The following VSIG4 variants were observed in gnomAD, a reference collection of about 807,000 sequenced individuals.
VSIG4 encodes the protein V-set and immunoglobulin domain-containing protein 4.
Under a neutral mutation model 23.4 loss-of-function variants are expected in VSIG4, and 34 were observed. That is an observed-to-expected ratio of 1.45 (90% CI 1.10 to 1.93). The LOEUF (loss-of-function observed/expected upper bound fraction) is 1.93, where lower values mean the gene tolerates loss of function less well. VSIG4 is among the 30% of genes most tolerant of loss of function. The pLI, the probability that VSIG4 is intolerant of heterozygous loss-of-function variation, is 0.00. For missense variants in VSIG4, 433 were observed against 310.8 expected (o/e 1.39, Z -2.96); for synonymous variants, 169 against 120.3 (o/e 1.41, Z -2.65).
Position 66,032,600 on chromosome X carries a change from T to C in VSIG4, c.562A>G (p.Ile188Val). 4 of 1,211,589 alleles carry C rather than the reference T, an allele frequency of 3.3e-6. No individual in the cohort carries two copies. The Middle Eastern group carries it at 6.9e-4, about 209-fold the overall frequency. Residue 188 changes from isoleucine (I) to valine (V), a missense_variant, in exon 3 of 8, where the codon ATC becomes GTC. Ile to Val is a conservative substitution (Grantham distance 29). Coordinates refer to ENST00000374737, the MANE Select transcript of VSIG4 (RefSeq NM_007268.3). Reference protein sequence around the residue: ...YKQQTNNQEPIKVATLSTLLF... With the variant: ...YKQQTNNQEPVKVATLSTLLF... The stretch of plus-strand genomic sequence containing the variant: ...AAGGTACTTAGGGTTGCTACTTTGA[T>C]GGGTTCCTGGTTATTAGTCTGTTGC...
In VSIG4 at chrX:66,025,049, G is replaced by A. The variant is rs1422142338; in HGVS notation, c.916C>T (p.Leu306Phe). Reference sequence around the variant, plus strand: ...CCTTGTTGGGATGTCTTCCGACAGAGCATGATATAGGCCATGGTAAAAACC... The same window carrying A: ...CCTTGTTGGGATGTCTTCCGACAGAACATGATATAGGCCATGGTAAAAACC... ...MVVFTMAYIM[L>F]CRKTSQQEHV... The change falls in exon 6 of 8, where the codon CTC becomes TTC. Residue 306 changes from leucine to phenylalanine, a missense_variant. By Grantham distance (22) the Leu-to-Phe change is conservative. Coordinates refer to ENST00000374737, the MANE Select transcript of VSIG4 (RefSeq NM_007268.3). 4 of 1,201,863 alleles carry A rather than the reference G, an allele frequency of 3.3e-6. No individual in the cohort carries two copies. The highest frequency in any genetic ancestry group is 4.5e-6 in the Non-Finnish European group (4 of 890,673).
intron 5 of VSIG4, among the ~76,000 whole-genome samples, chrX:66,026,760 G>A (rs1305406192): frequency 2.7e-5 from 3 of 111,703 alleles, no homozygotes; most frequent in Non-Finnish European, 3.8e-5. Context: ...TAGACTTGGA[G>A]TCTTAGAGAT....
At chrX:66,036,130 C>CT (rs1451907331) in intron 1 of VSIG4, among the ~76,000 whole-genome samples, 2 of 110,079 alleles carry the variant, frequency 1.8e-5, no homozygotes, top group South Asian at 3.8e-4. Context: ...TCCCCTTTTA[C>CT]TTTTTTTTTC....
In VSIG4 at chrX:66,022,279, C is replaced by A. The variant is rs762194783; in HGVS notation, c.1184G>T (p.Gly395Val). ...GGGGCATTTTTAACAGACACTTTTG[C>A]CCTCAGTGGCCAGAAACTCATAATC... Reference protein sequence around the residue: ...PLDYEFLATEGKSVC With the variant: ...PLDYEFLATEVKSVC Residue 395 changes from glycine to valine, a missense_variant, in exon 8 of 8, where the codon GGC (glycine) becomes GTC (valine). Transcript: ENST00000374737. 4 of 1,211,991 alleles carry A rather than the reference C, an allele frequency of 3.3e-6. No individual in the cohort carries two copies. The highest frequency in any genetic ancestry group is 1.8e-5 in the South Asian group (1 of 57,006).
intron 4 of VSIG4, 128 bp from the exon 5 acceptor site, chrX:66,027,654 T>G: frequency 1.9e-6 from 1 of 525,068 alleles, no homozygotes; most frequent in Non-Finnish European, 3.3e-6. Flanking sequence ...TACCTGACCA[T>G]GTTATCAACC....
In VSIG4 at chrX:66,021,973, T is replaced by G. The variant is rs1470477823; in HGVS notation, c.*290A>C. 1 of 984,065 alleles carries G rather than the reference T, an allele frequency of 1.0e-6. No homozygotes were observed. The highest frequency in any genetic ancestry group is 1.4e-6 in the Non-Finnish European group (1 of 723,048). The allele number at this position is 984,065 out of a possible 1,213,427, so 81.1% of individuals were successfully genotyped here. ...CAAAGTTGAATAGTGTCTGTAGGCA[T>G]GATGACCAAGTCCTAGTGCTATGGG... On this transcript the variant is annotated 3_prime_UTR_variant, in exon 8 of 8. Transcript: ENST00000374737.
chrX:66,022,123 A>T lies in VSIG4; in HGVS notation c.*140T>A, dbSNP rs1490577911. ...ATCTGGCAAATTCCAGGGCAAAGCC[A>T]GTGACTCCCAGCGGCTCCAGTGTTG... On this transcript the variant is annotated 3_prime_UTR_variant, in exon 8 of 8. Transcript: ENST00000374737. The T allele has an allele frequency of 8.5e-7, 1 of 1,182,728 alleles. No individual in the cohort carries two copies. Among genetic ancestry groups the T allele is most frequent in the Non-Finnish European group, 1.1e-6 (1 of 880,891 alleles).
At chrX:66,033,875 C>A in intron 1 of VSIG4, 45 bp from the exon 2 acceptor site, 1 of 1,050,986 alleles carries the variant, frequency 9.5e-7, no homozygotes, top group Non-Finnish European at 1.3e-6. Context: ...AGATGGCATA[C>A]CTACTTGGCA....
intron 6 of VSIG4, 114 bp from the exon 7 acceptor site, chrX:66,022,976 T>A: frequency 1.2e-6 from 1 of 824,598 alleles, no homozygotes; most frequent in Non-Finnish European, 1.8e-6. Flanking sequence ...GAGGGGATTT[T>A]AATATGTCTT....
chrX:66,037,617 ATTAC>A (rs1252913691), intron 1 of VSIG4, among the ~76,000 whole-genome samples: 1 of 79,217 alleles, frequency 1.3e-5, no homozygotes, highest in Non-Finnish European at 2.2e-5. Flanking sequence ...TTTACTGATA[ATTAC>A]TTATATATAA....
At chrX:66,027,377 G>T (rs1160103084) in intron 5 of VSIG4, 72 bp downstream of exon 5, 6 of 893,573 alleles carry the variant, frequency 6.7e-6, no homozygotes, top group South Asian at 2.1e-5. Context: ...AGAACAGTGT[G>T]CATAAGGGAA....
In VSIG4 at chrX:66,022,861, C is replaced by T. The variant is rs770221598; in HGVS notation, c.942G>A (p.Glu314=). The T allele has an allele frequency of 1.7e-6, 2 of 1,210,999 alleles. No homozygotes were observed. The highest frequency in any genetic ancestry group is 1.8e-5 in the South Asian group (1 of 56,968). The change falls in exon 7 of 8, where the codon GAG becomes GAA. Residue 314 remains glutamate (E), a splice_region_variant and synonymous_variant. Coordinates refer to ENST00000374737, the MANE Select transcript of VSIG4 (RefSeq NM_007268.3). ...CTTACCTGGCTGCTTCGTAGACATG[C>T]TCTAGAAAAAAAGGAGGAATCATGT... The part of the protein sequence containing the change: ...IMLCRKTSQQ[E]HVYEAARAHA...
chrX:66,036,968 TATATA>T (rs1262264101), intron 1 of VSIG4, among the ~76,000 whole-genome samples: 3 of 34,684 alleles, frequency 8.6e-5, no homozygotes, highest in African/African-American at 6.4e-4. Flanking sequence ...TATTATATAA[TATATA>T]ATATAATATA....
At position 66,021,957 on chromosome X, in the gene VSIG4, A is replaced by G; in HGVS notation, c.*306T>C. On this transcript the variant is annotated 3_prime_UTR_variant, in exon 8 of 8. Transcript: ENST00000374737. ...TCTGGTGGCAAGATGCCAAAGTTGA[A>G]TAGTGTCTGTAGGCATGATGACCAA... The G allele has an allele frequency of 1.2e-6, 1 of 866,193 alleles. No individual in the cohort carries two copies. The highest frequency in any genetic ancestry group is 2.3e-5 in the South Asian group (1 of 42,618). The allele number at this position is 866,193 out of a possible 1,213,427, so 71.4% of individuals were successfully genotyped here.
chrX:66,033,337 C>A, intron 2 of VSIG4, 137 bp downstream of exon 2: 1 of 561,615 alleles, frequency 1.8e-6, no homozygotes, highest in South Asian at 3.2e-5. Context: ...TGCCTGTCCA[C>A]TTCCTCTGAT....
chrX:66,028,172 C>T, intron 3 of VSIG4, 60 bp from the exon 4 acceptor site: 3 of 1,046,712 alleles, frequency 2.9e-6, no homozygotes. Context: ...TAGTTTAATG[C>T]CCTAGGGAAA....
chrX:66,022,247 G>T lies in VSIG4; in HGVS notation c.*16C>A. ...TAGGCAATTATGTCAGCAGATCCTG[G>T]CCTAATGGGGCATTTTTAACAGACA... On this transcript the variant is annotated 3_prime_UTR_variant, in exon 8 of 8. Coordinates refer to ENST00000374737, the MANE Select transcript of VSIG4 (RefSeq NM_007268.3). 8.3e-7 allele frequency: 1 copy of T among 1,211,980 alleles called. No individual in the cohort carries two copies.
chrX:66,028,648 C>T (rs2085425447), intron 3 of VSIG4, among the ~76,000 whole-genome samples: 1 of 103,755 alleles, frequency 9.6e-6, no homozygotes, highest in African/African-American at 3.5e-5. Context: ...AGAAAAATAT[C>T]CCAGTTTTGG....
At position 66,022,134 on chromosome X, in the gene VSIG4, G is replaced by A. The variant is rs2085338411; in HGVS notation, c.*129C>T. ...TCCAGGGCAAAGCCAGTGACTCCCA[G>A]CGGCTCCAGTGTTGGTAGGCGGACA... On this transcript the variant is annotated 3_prime_UTR_variant, in exon 8 of 8. Transcript: ENST00000374737. 8.4e-7 allele frequency: 1 copy of A among 1,189,670 alleles called. No individual in the cohort carries two copies. Among genetic ancestry groups the A allele is most frequent in the Non-Finnish European group, 1.1e-6 (1 of 884,447 alleles).
Sources: allele counts gnomAD v4.1 joint callset (sites outside exome capture counted in the v4.1 genomes callset), GRCh38; gene constraint gnomAD v4.1.1; transcripts MANE v1.5; gene names NCBI Gene and HGNC (gene_info 2026-07-23, HGNC 2026-07-21).